CLIP2: variants seen among roughly 807,000 people sequenced by gnomAD.
CLIP2 encodes CAP-Gly domain-containing linker protein 2.
A neutral mutation model predicts 111.7 loss-of-function variants in CLIP2; 41 were observed. The ratio of observed to expected loss-of-function variants is 0.37; its 90% confidence interval spans 0.29 to 0.48. The LOEUF is 0.48. Ranked by LOEUF, CLIP2 falls within the 20% of genes least tolerant of loss-of-function variation. The pLI is 0.99. For missense variants in CLIP2, 1,160 were observed against 1,422.1 expected (o/e 0.82, Z 2.96); for synonymous variants, 660 against 644.2 (o/e 1.02, Z -0.37).
intron 5 of CLIP2, 60 bp from the exon 6 acceptor site, chr7:74,357,220 C>T: frequency 1.3e-6 from 2 of 1,482,190 alleles, no homozygotes; most frequent in Non-Finnish European, 1.9e-6. Context: ...TGGACAGAGC[C>T]AGTCTGCCCT....
intron 1 of CLIP2, among the ~76,000 whole-genome samples, chr7:74,303,710 G>A (rs554298345): frequency 5.3e-5 from 8 of 149,714 alleles, no homozygotes; most frequent in Non-Finnish European, 7.4e-5. Context: ...TCAGGAGTTC[G>A]AGACCAGCCT....
chr7:74,312,217 G>A (rs1788658316), intron 1 of CLIP2, among the ~76,000 whole-genome samples: 1 of 152,132 alleles, frequency 6.6e-6, no homozygotes, highest in Non-Finnish European at 1.5e-5. Context: ...CCACCTGGGT[G>A]ACAGAGCAAG....
chr7:74,364,435 GA>G (rs1461696799), intron 8 of CLIP2, 120 bp downstream of exon 8: 6 of 800,020 alleles, frequency 7.5e-6, no homozygotes, highest in East Asian at 2.7e-5. Context: ...GGCTGGGGGG[GA>G]AAATGGGGAA....
At chr7:74,344,282 C>T (rs1229375232) in intron 3 of CLIP2, among the ~76,000 whole-genome samples, 2 of 152,170 alleles carry the variant, frequency 1.3e-5, no homozygotes, top group Non-Finnish European at 2.9e-5. Flanking sequence ...AGCAAGGGGG[C>T]TGGGCTATCT....
At chr7:74,386,248 A>G (rs1791095741) in intron 11 of CLIP2, 1 of 269,134 alleles carries the variant, frequency 3.7e-6, no homozygotes, top group Non-Finnish European at 7.0e-6. Flanking sequence ...CGGTTTCACC[A>G]TGTTTGTCTT....
Position 74,400,393 on chromosome 7 carries a change from T to A in CLIP2, c.2904T>A (p.Asp968Glu). Residue 968 changes from aspartate (D) to glutamate (E), a missense_variant, in exon 15 of 17, where the codon GAT becomes GAA. Around this residue, in one of 5 missense-constraint regions of CLIP2, gnomAD observed 676 missense variants for 777.8 expected, o/e 0.87. Transcript: ENST00000223398. ...AGGACAAAGAGAAATCCCTGTCGGA[T>A]CAGAGGCGCTACTCCCTCATCGACC... ...TGLDKEKSLS[D>E]QRRYSLIDRS... 1.2e-6 allele frequency: 2 copies of A among 1,611,814 alleles called. No homozygotes were observed. Among genetic ancestry groups the A allele is most frequent in the Non-Finnish European group, 1.7e-6 (2 of 1,178,652 alleles).
chr7:74,403,733 T>TC, intron 16 of CLIP2, 104 bp from the exon 17 acceptor site: 2 of 1,176,030 alleles, frequency 1.7e-6, no homozygotes, highest in Non-Finnish European at 2.5e-6. Context: ...TCTATGCTCC[T>TC]CCCCCACCCG....
chr7:74,296,564 C>G (rs1171133211), intron 1 of CLIP2, among the ~76,000 whole-genome samples: 1 of 151,572 alleles, frequency 6.6e-6, no homozygotes, highest in Non-Finnish European at 1.5e-5. Flanking sequence ...CTGAGGCAGG[C>G]AGATCATGAG....
chr7:74,337,537 G>A (rs1172821592), intron 2 of CLIP2, among the ~76,000 whole-genome samples: 1 of 151,942 alleles, frequency 6.6e-6, no homozygotes. Context: ...CTTGAGAACG[G>A]GTTCCTCCCT....
chr7:74,306,930 C>T (rs1289618382), intron 1 of CLIP2, among the ~76,000 whole-genome samples: 2 of 152,342 alleles, frequency 1.3e-5, no homozygotes, highest in African/African-American at 2.4e-5. Context: ...CAGGCTTCCC[C>T]GCCTCCCACG....
intron 6 of CLIP2, 142 bp from the exon 7 acceptor site, chr7:74,360,033 C>A: frequency 1.6e-6 from 1 of 629,690 alleles, no homozygotes; most frequent in Non-Finnish European, 2.8e-6. Flanking sequence ...GCCCACTGTG[C>A]ATGCCCGGCA....
intron 6 of CLIP2, among the ~76,000 whole-genome samples, chr7:74,359,089 T>C (rs1482646373): frequency 6.6e-6 from 1 of 151,076 alleles, no homozygotes; most frequent in African/African-American, 2.4e-5. Context: ...TCAGCGTCCT[T>C]AGTAGCTGGG....
intron 10 of CLIP2, among the ~76,000 whole-genome samples, chr7:74,377,309 A>G (rs1406432121): frequency 6.6e-6 from 1 of 152,254 alleles, no homozygotes; most frequent in Admixed American, 6.5e-5. Context: ...GACTTTAGCA[A>G]CGGTGCCAAC....
chr7:74,331,575 T>C (rs1554731310), intron 2 of CLIP2, among the ~76,000 whole-genome samples: 1 of 136,998 alleles, frequency 7.3e-6, no homozygotes, highest in East Asian at 2.1e-4. Context: ...TTTTTTTTTT[T>C]TTTTTTTTTT....
In CLIP2 at chr7:74,361,867, G is replaced by A. The variant is rs182590521; in HGVS notation, c.1319+1589G>A. Among the ~76,000 whole-genome samples, 6 of 152,144 alleles carry A rather than the reference G, an allele frequency of 3.9e-5. 1 individual carries two copies. In the East Asian group the frequency reaches 7.8e-4, roughly 20 times the overall value. On this transcript the variant is annotated intron_variant, in intron 7 of 16. Coordinates refer to ENST00000223398, the MANE Select transcript of CLIP2 (RefSeq NM_003388.5). ...TGTAATCTCAGCACTTTGGGAGGCC[G>A]AGGCAGGCGGATCACCTGAGGTCAG...
chr7:74,349,470 G>GTATATATA (rs1158400867), intron 3 of CLIP2, among the ~76,000 whole-genome samples: 110 of 33,748 alleles, frequency 3.3e-3, no homozygotes, highest in South Asian at 9.1e-3. Flanking sequence ...GTGTGTGTGT[G>GTATATATA]TATATATATA....
At chr7:74,344,119 C>T (rs545607537) in intron 3 of CLIP2, among the ~76,000 whole-genome samples, 12 of 152,170 alleles carry the variant, frequency 7.9e-5, no homozygotes, top group African/African-American at 2.6e-4. Flanking sequence ...AGTTTGATCC[C>T]GCCTGGCATT....
rs542935813 is a variant in CLIP2, at chr7:74,386,975, A to G, written c.2563+371A>G. 2.1e-5 allele frequency among the ~76,000 whole-genome samples: 3 copies of G among 144,094 alleles called. No individual in the cohort carries two copies. The South Asian group carries it at 7.6e-4, about 36-fold the overall frequency. 94.5% of individuals were successfully genotyped at this position (144,094 alleles called of 152,430 possible). A position where few individuals can be genotyped will look rare whatever the true frequency, so the allele number is the denominator to read the frequency against. On this transcript the variant is annotated intron_variant, in intron 12 of 16. Transcript: ENST00000223398. ...AAGGCAGAGCTGCCAGTGAGCCGAG[A>G]TGGCGCCACTGCACTCCAGCCTGGG...
chr7:74,359,347 TTTC>T (rs1483763562), intron 6 of CLIP2, among the ~76,000 whole-genome samples: 1 of 143,224 alleles, frequency 7.0e-6, no homozygotes, highest in East Asian at 2.3e-4. Context: ...ACATTTCAGG[TTTC>T]TTTTTTTTTT....
Sources: allele counts gnomAD v4.1 joint callset (sites outside exome capture counted in the v4.1 genomes callset), GRCh38; gene constraint gnomAD v4.1.1; regional missense constraint gnomAD v4.1.1; transcripts MANE v1.5; gene names NCBI Gene and HGNC (gene_info 2026-07-23, HGNC 2026-07-21).